The following ST6GALNAC4 variants were observed in gnomAD, a reference collection of about 807,000 sequenced individuals.
ST6GALNAC4 encodes the protein ST6 N-acetylgalactosaminide alpha-2,6-sialyltransferase 4, also known as alpha-N-acetyl-neuraminyl-2,3-beta-galactosyl-1,3-N-acetyl-galactosaminide alpha-2,6-sialyltransferase.
ST6GALNAC4 carries 24 observed loss-of-function variants against 30.4 expected under a neutral mutation model. The observed-to-expected ratio is 0.79, with a 90% CI of 0.57 to 1.11. The LOEUF (loss-of-function observed/expected upper bound fraction) is 1.11, where lower values mean the gene tolerates loss of function less well. Among genes scored for constraint, ST6GALNAC4 ranks in the 50% most tolerant of loss-of-function variants. The pLI is 0.00. For missense variants in ST6GALNAC4, 365 were observed against 430.1 expected (o/e 0.85, Z 1.34); for synonymous variants, 156 against 179.7 (o/e 0.87, Z 1.05).
In ST6GALNAC4 at chr9:127,910,309, G is replaced by T. The variant is rs1192098264; in HGVS notation, c.612-251C>A. 2.4e-6 allele frequency: 3 copies of T among 1,272,314 alleles called. No individual in the cohort carries two copies. The African/African-American group carries it at 4.6e-5, about 20-fold the overall frequency. The allele number at this position is 1,272,314 out of a possible 1,614,324, so 78.8% of individuals were successfully genotyped here. A position where few individuals can be genotyped will look rare whatever the true frequency, so the allele number is the denominator to read the frequency against. On this transcript the variant is annotated intron_variant, in intron 4 of 5. Coordinates refer to ENST00000335791, the MANE Select transcript of ST6GALNAC4 (RefSeq NM_175039.4). Reference sequence around the variant, plus strand: ...CGGGGCTCGGGCCCAGCTACGCTTTGCAGGGTTTGAGCAAACCCCTGGATG... The same window carrying T: ...CGGGGCTCGGGCCCAGCTACGCTTTTCAGGGTTTGAGCAAACCCCTGGATG...
intron 5 of ST6GALNAC4, among the ~76,000 whole-genome samples, chr9:127,909,377 A>G (rs1410676772): frequency 2.4e-4 from 36 of 151,454 alleles, no homozygotes; most frequent in Admixed American, 1.3e-4. Context: ...CAACAAGAGC[A>G]AAACTCCATC....
At chr9:127,909,928 G>T in intron 5 of ST6GALNAC4, 23 bp downstream of exon 5, 1 of 1,610,556 alleles carries the variant, frequency 6.2e-7, no homozygotes, top group Non-Finnish European at 8.5e-7. Flanking sequence ...GCGTCCCCGC[G>T]TGCCCGGCCT....
chr9:127,909,313 C>T lies in ST6GALNAC4; in HGVS notation c.719+638G>A, dbSNP rs187824020. 5.0e-4 allele frequency among the ~76,000 whole-genome samples: 76 copies of T among 150,888 alleles called. 1 individual carries two copies. In the South Asian group the frequency reaches 0.011, roughly 21 times the overall value. The stretch of plus-strand genomic sequence containing the variant: ...CTGAGGCAGGAGAATCGCTTGAACC[C>T]GGGAGGTGGAGGTTGCAGTGAGCCA... On this transcript the variant is annotated intron_variant, in intron 5 of 5. Transcript: ENST00000335791.
At chr9:127,910,484 G>A (rs1831052371) in intron 4 of ST6GALNAC4, 36 of 1,017,944 alleles carry the variant, frequency 3.5e-5, no homozygotes, top group Non-Finnish European at 4.2e-5. Flanking sequence ...GCTCTGCTAT[G>A]GGCATCACAT....
intron 4 of ST6GALNAC4, 200 bp from the exon 5 acceptor site, chr9:127,910,258 G>C (rs983905007): frequency 1.5e-6 from 2 of 1,376,842 alleles, no homozygotes; most frequent in African/African-American, 2.9e-5. Flanking sequence ...CACAAACCCA[G>C]GCCTGATCAC....
At chr9:127,916,671 GAATC>G (rs1159908792) in intron 1 of ST6GALNAC4, among the ~76,000 whole-genome samples, 151 bp downstream of exon 1, 1 of 152,202 alleles carries the variant, frequency 6.6e-6, no homozygotes, top group Admixed American at 6.5e-5. Context: ...AAAGGAGCAG[GAATC>G]AGCGACGTTT....
chr9:127,910,360 C>T (rs560606713), intron 4 of ST6GALNAC4: 1 of 1,161,930 alleles, frequency 8.6e-7, no homozygotes, highest in East Asian at 6.1e-5. Flanking sequence ...CTGGCCACGT[C>T]CTCTCCTCAT....
chr9:127,909,356 T>C (rs1831018717), intron 5 of ST6GALNAC4, among the ~76,000 whole-genome samples: 1 of 148,340 alleles, frequency 6.7e-6, no homozygotes, highest in African/African-American at 2.5e-5. Context: ...GCCACTGCAC[T>C]CCAGCCTGGG....
In ST6GALNAC4 at chr9:127,914,596, C is replaced by A. The variant is rs1458198568; in HGVS notation, c.198+60G>T. On this transcript the variant is annotated intron_variant, in intron 3 of 5. Transcript: ENST00000335791. The stretch of plus-strand genomic sequence containing the variant: ...GAGTAGAGGGGCCAAGCTCAAGGTC[C>A]GGTTTGGGACAAGCCCAGCTCTCAC... 14 of 1,451,500 alleles carry A rather than the reference C, an allele frequency of 9.6e-6. No individual in the cohort carries two copies. In the East Asian group the frequency reaches 3.6e-4, roughly 37 times the overall value. 89.9% of individuals were successfully genotyped at this position (1,451,500 alleles called of 1,614,324 possible).
At chr9:127,909,509 A>T (rs923130323) in intron 5 of ST6GALNAC4, among the ~76,000 whole-genome samples, 20 of 150,516 alleles carry the variant, frequency 1.3e-4, no homozygotes, top group African/African-American at 4.4e-4. Flanking sequence ...CAAAAATCAC[A>T]TATAATATCA....
chr9:127,908,794 G>GC (rs1312923155), intron 5 of ST6GALNAC4, among the ~76,000 whole-genome samples: 2 of 152,064 alleles, frequency 1.3e-5, no homozygotes, highest in Non-Finnish European at 2.9e-5. Context: ...ATGACTCTGG[G>GC]CCAGAGATGG....
chr9:127,912,594 G>C lies in ST6GALNAC4; in HGVS notation c.285C>G (p.Asp95Glu). The change falls in exon 4 of 6, where the codon GAC (aspartate) becomes GAG (glutamate). Residue 95 changes from aspartate (D) to glutamate (E), a missense_variant. Physicochemically the swap from Asp to Glu is conservative, Grantham distance 45. Transcript: ENST00000335791. ...TCATGCGGAACACGCACTCGGCACT[G>C]TCGATCTCAGCACCCAGGCCTGAGC... ...MLGSGLGAEIDSAECVFRMNQ... is the reference protein window; with the variant it reads ...MLGSGLGAEIESAECVFRMNQ... 1.2e-6 allele frequency: 2 copies of C among 1,610,018 alleles called. No homozygotes were observed. Among genetic ancestry groups the C allele is most frequent in the Non-Finnish European group, 1.7e-6 (2 of 1,179,806 alleles).
rs1831197945 is a variant in ST6GALNAC4, at chr9:127,916,491, G to A, written c.-72C>T. The stretch of plus-strand genomic sequence containing the variant: ...GGGGCTGGGAAGGGGTGGGAGCCGG[G>A]CACCTGCCAAGACCCAGAAACTCAG... On this transcript the variant is annotated 5_prime_UTR_variant, in exon 2 of 6. Transcript: ENST00000335791. 1.9e-6 allele frequency: 3 copies of A among 1,594,096 alleles called. No individual in the cohort carries two copies. Among genetic ancestry groups the A allele is most frequent in the Non-Finnish European group, 1.7e-6 (2 of 1,162,976 alleles).
At chr9:127,910,328 C>A in intron 4 of ST6GALNAC4, 1 of 1,227,026 alleles carries the variant, frequency 8.1e-7, no homozygotes, top group Non-Finnish European at 1.0e-6. Context: ...GAGCAAACCC[C>A]TGGATGATGG....
intron 2 of ST6GALNAC4, 114 bp downstream of exon 2, chr9:127,916,294 C>T (rs1831193098): frequency 1.4e-6 from 2 of 1,431,376 alleles, no homozygotes; most frequent in Admixed American, 1.7e-5. Flanking sequence ...CCCTTCTCTG[C>T]TCAGCAGTAG....
In ST6GALNAC4 at chr9:127,908,173, A is replaced by G. The variant is rs1309690951; in HGVS notation, c.*219T>C. 4 of 192,224 alleles carry G rather than the reference A, an allele frequency of 2.1e-5. No homozygotes were observed. The highest frequency in any genetic ancestry group is 3.1e-5 in the Non-Finnish European group (3 of 95,510). The allele number at this position is 192,224 out of a possible 1,614,324, so 11.9% of individuals were successfully genotyped here. On this transcript the variant is annotated 3_prime_UTR_variant, in exon 6 of 6. Coordinates refer to ENST00000335791, the MANE Select transcript of ST6GALNAC4 (RefSeq NM_175039.4). The stretch of plus-strand genomic sequence containing the variant: ...ATGCCGTGAATTACTCAGGGAGTGG[A>G]GGGGGGAGACACGGCTCCCCCCTCC...
Position 127,912,591 on chromosome 9 carries a change from A to C in ST6GALNAC4, c.288T>G (p.Ser96Arg), listed in dbSNP as rs752452786. The change falls in exon 4 of 6, where the codon AGT becomes AGG. Residue 96 changes from serine (S) to arginine (R), a missense_variant. By Grantham distance (110) the Ser-to-Arg change is moderately radical. Coordinates refer to ENST00000335791, the MANE Select transcript of ST6GALNAC4 (RefSeq NM_175039.4). ...GGTTCATGCGGAACACGCACTCGGCACTGTCGATCTCAGCACCCAGGCCTG... is the reference window on the plus strand; with the variant it reads ...GGTTCATGCGGAACACGCACTCGGCCCTGTCGATCTCAGCACCCAGGCCTG... ...LGSGLGAEID[S>R]AECVFRMNQA... 2.5e-6 allele frequency: 4 copies of C among 1,610,482 alleles called. No homozygotes were observed. The highest frequency in any genetic ancestry group is 3.4e-6 in the Non-Finnish European group (4 of 1,179,802).
intron 4 of ST6GALNAC4, chr9:127,910,344 G>A (rs1198675680): frequency 8.4e-7 from 1 of 1,196,234 alleles, no homozygotes; most frequent in Non-Finnish European, 1.1e-6. Flanking sequence ...GATGGGTGTG[G>A]GGGCTCTGGC....
intron 2 of ST6GALNAC4, among the ~76,000 whole-genome samples, chr9:127,915,650 C>T (rs1831179363): frequency 6.6e-6 from 1 of 152,206 alleles, no homozygotes; most frequent in African/African-American, 2.4e-5. Context: ...GTGAATGCCC[C>T]TACCACCACC....
Sources: gnomAD v4.1 joint callset for allele counts (sites outside exome capture counted in the v4.1 genomes callset) on GRCh38, gnomAD v4.1.1 for gene constraint, MANE v1.5 for transcripts, NCBI Gene and HGNC (gene_info 2026-07-23, HGNC 2026-07-21) for gene names.